XYLT2: variants seen among roughly 807,000 people sequenced by gnomAD.
The protein encoded by XYLT2 is xylosyltransferase 2, also known as UDP-D-xylose:proteoglycan core protein beta-D-xylosyltransferase.
A neutral mutation model predicts 82.6 loss-of-function variants in XYLT2; 37 were observed. That is an observed-to-expected ratio of 0.45 (90% CI 0.34 to 0.59). The LOEUF is 0.59. Ranked by LOEUF, XYLT2 falls within the 20% of genes least tolerant of loss-of-function variation. XYLT2 has a pLI of 0.01. For missense variants in XYLT2, 934 were observed against 1,181.3 expected, an observed-to-expected ratio of 0.79 and a Z score of 3.07; for synonymous variants, 474 against 499.0, an observed-to-expected ratio of 0.95 and a Z score of 0.67.
intron 1 of XYLT2, among the ~76,000 whole-genome samples, chr17:50,349,400 G>A (rs115425970): frequency 3.3e-5 from 5 of 152,088 alleles, no homozygotes; most frequent in Admixed American, 3.3e-4. Flanking sequence ...CCTCTTGCAG[G>A]TATCTCTTCT....
chr17:50,356,824 G>C (rs1302830331), intron 8 of XYLT2, 51 bp downstream of exon 8: 1 of 1,559,558 alleles, frequency 6.4e-7, no homozygotes, highest in Non-Finnish European at 8.7e-7. Flanking sequence ...GGTGCCCTAG[G>C]GGGAGGCCAA....
Position 50,360,842 on chromosome 17 carries a change from A to G in XYLT2, c.*551A>G. The G allele has an allele frequency of 1.0e-6, 1 of 985,884 alleles. No homozygotes were observed. The highest frequency in any genetic ancestry group is 4.7e-5 in the South Asian group (1 of 21,288). 61.1% of individuals were successfully genotyped at this position (985,884 alleles called of 1,614,324 possible). ...CCTGCCAGGCTCTAAGGCCCGAAGA[A>G]CAGGTGATATCGGGGGCGCTGCAGA... On this transcript the variant is annotated 3_prime_UTR_variant, in exon 11 of 11. Coordinates refer to ENST00000017003, the MANE Select transcript of XYLT2 (RefSeq NM_022167.4).
Position 50,346,575 on chromosome 17 carries a change from G to A in XYLT2, c.135+300G>A. 1.0e-6 allele frequency: 1 copy of A among 978,926 alleles called. No homozygotes were observed. Among genetic ancestry groups the A allele is most frequent in the Non-Finnish European group, 1.2e-6 (1 of 823,992 alleles). 60.6% of individuals were successfully genotyped at this position (978,926 alleles called of 1,614,324 possible). A position where few individuals can be genotyped will look rare whatever the true frequency, so the allele number is the denominator to read the frequency against. ...CGGCCAAGGGAGCGATGAAGGTCAG[G>A]CGCGGCGAGCGGGGCTGGGAGGCGG... On this transcript the variant is annotated intron_variant, in intron 1 of 10. Transcript: ENST00000017003. This position sits in a 1 kb window ranked among gnomAD's most constrained non-coding sequence, Gnocchi z 5.1.
At chr17:50,350,041 G>A (rs1222028537) in intron 1 of XYLT2, among the ~76,000 whole-genome samples, 1 of 149,166 alleles carries the variant, frequency 6.7e-6, no homozygotes, top group Admixed American at 6.8e-5. Flanking sequence ...AAAGTTGCCA[G>A]GCATGGTGGC....
intron 1 of XYLT2, among the ~76,000 whole-genome samples, chr17:50,352,098 C>A (rs1912295930): frequency 6.6e-6 from 1 of 152,152 alleles, no homozygotes; most frequent in Non-Finnish European, 1.5e-5. Flanking sequence ...GCTGAAAGGC[C>A]AAGAAAGAAG....
chr17:50,354,223 G>A, intron 2 of XYLT2, 101 bp downstream of exon 2: 1 of 1,558,572 alleles, frequency 6.4e-7, no homozygotes, highest in Non-Finnish European at 8.6e-7. Flanking sequence ...GAGCCAAGGG[G>A]ATCCTACCTC....
intron 1 of XYLT2, among the ~76,000 whole-genome samples, chr17:50,350,746 A>G (rs889250008): frequency 2.0e-5 from 3 of 152,204 alleles, no homozygotes; most frequent in South Asian, 2.1e-4. Flanking sequence ...ATATTGTGCG[A>G]TGGTGAAAAG....
In XYLT2 at chr17:50,356,587, T is replaced by TC; in HGVS notation, c.1561dup (p.His521ProfsTer25). On this transcript the variant is annotated frameshift_variant, in exon 8 of 11. Coordinates refer to ENST00000017003, the MANE Select transcript of XYLT2 (RefSeq NM_022167.4). LOFTEE classifies it high-confidence loss of function. ...CAGGAGGTGCTGGAAATCCTGGACT[T>TC]CCACCTGTATGGCAGCTACCCCCCC... 6.2e-7 allele frequency: 1 copy of TC among 1,614,040 alleles called. No individual in the cohort carries two copies.
chr17:50,350,182 CAAAAAA>C (rs34760778), intron 1 of XYLT2, among the ~76,000 whole-genome samples: 1 of 18,554 alleles, frequency 5.4e-5, no homozygotes, highest in Non-Finnish European at 1.0e-4. Context: ...GACTGCGTCT[CAAAAAA>C]AAAAAAAAAA....
rs1033180703 is a variant in XYLT2, at chr17:50,346,521, G to A, written c.135+246G>A. ...GCCCTGGTGGATTGGGAGTCGGGCG[G>A]GGGGAGCAGGTCATGCTAGGGTGGT... On this transcript the variant is annotated intron_variant, in intron 1 of 10. Transcript: ENST00000017003. The surrounding 1 kb of genome is among the most constrained non-coding windows in gnomAD (Gnocchi z 5.1). 7.6e-5 allele frequency: 67 copies of A among 886,748 alleles called. No individual in the cohort carries two copies. The highest frequency in any genetic ancestry group is 8.9e-5 in the Non-Finnish European group (66 of 740,006). The allele number at this position is 886,748 out of a possible 1,614,324, so 54.9% of individuals were successfully genotyped here. A position where few individuals can be genotyped will look rare whatever the true frequency, so the allele number is the denominator to read the frequency against.
At position 50,360,566 on chromosome 17, in the gene XYLT2, T is replaced by TCTTTC. The variant is rs1413472491; in HGVS notation, c.*275_*276insCTTTC. 1 of 1,076,564 alleles carries TCTTTC rather than the reference T, an allele frequency of 9.3e-7. No individual in the cohort carries two copies. Among genetic ancestry groups the TCTTTC allele is most frequent in the Non-Finnish European group, 1.1e-6 (1 of 902,888 alleles). The allele number at this position is 1,076,564 out of a possible 1,614,324, so 66.7% of individuals were successfully genotyped here. A position where few individuals can be genotyped will look rare whatever the true frequency, so the allele number is the denominator to read the frequency against. ...CTTCCTGTCTAGTTTGAATTTCTTT[T>TCTTTC]TTTTCTTTTTTTTTTTTTTTTTTTA... On this transcript the variant is annotated 3_prime_UTR_variant, in exon 11 of 11. Transcript: ENST00000017003.
In XYLT2 at chr17:50,360,116, T is replaced by C; in HGVS notation, c.2423T>C (p.Leu808Pro). The change falls in exon 11 of 11, where the codon CTC becomes CCC. Residue 808 changes from leucine to proline, a missense_variant. This residue lies in a region of XYLT2 where 374 missense variants were observed against 465.6 expected (regional missense o/e 0.80). Transcript: ENST00000017003. ...CACACACAGCTCACAGGCCCTGCGCTCGAGGCCTGGACAGACAGGGAACTG... is the reference window on the plus strand; with the variant it reads ...CACACACAGCTCACAGGCCCTGCGCCCGAGGCCTGGACAGACAGGGAACTG... ...QRHTQLTGPA[L>P]EAWTDRELSS... 2 of 1,613,920 alleles carry C rather than the reference T, an allele frequency of 1.2e-6. No individual in the cohort carries two copies. Among genetic ancestry groups the C allele is most frequent in the Non-Finnish European group, 1.7e-6 (2 of 1,179,954 alleles).
chr17:50,346,130 C>T lies in XYLT2; in HGVS notation c.-11C>T. The T allele has an allele frequency of 1.6e-6, 2 of 1,218,810 alleles. No homozygotes were observed. Among genetic ancestry groups the T allele is most frequent in the African/African-American group, 1.6e-5 (1 of 61,544 alleles). The allele number at this position is 1,218,810 out of a possible 1,614,324, so 75.5% of individuals were successfully genotyped here. A position where few individuals can be genotyped will look rare whatever the true frequency, so the allele number is the denominator to read the frequency against. On this transcript the variant is annotated 5_prime_UTR_variant, in exon 1 of 11. Coordinates refer to ENST00000017003, the MANE Select transcript of XYLT2 (RefSeq NM_022167.4). This position sits in a 1 kb window ranked among gnomAD's most constrained non-coding sequence, Gnocchi z 5.1. Reference sequence around the variant, plus strand: ...AGGGCTGGGCGCGCGCCCCGCGTCCCGGGCAGGAAGATGGTGGCGAGCGCG... The same window carrying T: ...AGGGCTGGGCGCGCGCCCCGCGTCCTGGGCAGGAAGATGGTGGCGAGCGCG...
At chr17:50,354,662 A>ACCTG in intron 3 of XYLT2, 79 bp downstream of exon 3, 1 of 1,505,616 alleles carries the variant, frequency 6.6e-7, no homozygotes, top group African/African-American at 1.7e-5. Flanking sequence ...AGAGTCTCTG[A>ACCTG]CCTGGCCCAG....
In XYLT2 at chr17:50,358,336, A is replaced by G. The variant is rs1598353036; in HGVS notation, c.2071A>G (p.Ile691Val). 6.2e-7 allele frequency: 1 copy of G among 1,613,978 alleles called. No individual in the cohort carries two copies. The highest frequency in any genetic ancestry group is 8.5e-7 in the Non-Finnish European group (1 of 1,180,024). ...GPNLTATVVW[I>V]DPTYVVATSY... ...CAACCTCACAGCCACAGTGGTCTGG[A>G]TCGACCCAACCTATGTGGTGGCCAC... The change falls in exon 10 of 11, where the codon ATC becomes GTC. Residue 691 changes from isoleucine (I) to valine (V), a missense_variant. Ile to Val is a conservative substitution (Grantham distance 29). Coordinates refer to ENST00000017003, the MANE Select transcript of XYLT2 (RefSeq NM_022167.4).
In XYLT2 at chr17:50,359,957, C is replaced by T. The variant is rs1004037653; in HGVS notation, c.2276-12C>T. 1.9e-6 allele frequency: 3 copies of T among 1,574,508 alleles called. No homozygotes were observed. The highest frequency in any genetic ancestry group is 2.7e-5 in the African/African-American group (2 of 74,250). ...GCAGGGGGTGTGCTTACTGCCTGCT[C>T]TGCACCCACAGATGATGCCAGCTGG... On this transcript the variant is annotated splice_polypyrimidine_tract_variant and intron_variant, in intron 10 of 10. Transcript: ENST00000017003.
rs1598353144 is a variant in XYLT2 at position 50,358,441 on chromosome 17, C to G, written c.2176C>G (p.Pro726Ala). 1 of 1,614,178 alleles carries G rather than the reference C, an allele frequency of 6.2e-7. No individual in the cohort carries two copies. Residue 726 changes from proline (P) to alanine (A), a missense_variant, in exon 10 of 11, where the codon CCC becomes GCC. Pro to Ala is a conservative substitution (Grantham distance 27). Around this residue, in one of 3 missense-constraint regions of XYLT2, gnomAD observed 374 missense variants for 465.6 expected, o/e 0.80. Transcript: ENST00000017003. ...PPLSRPLRPG[P>A]WTVRLLQFWE... is the part of the protein sequence containing the mutation. ...ACTGAGCCGGCCCCTGCGGCCAGGG[C>G]CCTGGACTGTTCGACTCCTTCAGTT...
rs1598346287 is a variant in XYLT2 at position 50,346,831 on chromosome 17, C to G, written c.135+556C>G. 2 of 985,210 alleles carry G rather than the reference C, an allele frequency of 2.0e-6. No individual in the cohort carries two copies. The highest frequency in any genetic ancestry group is 3.5e-5 in the African/African-American group (2 of 57,188). 61.0% of individuals were successfully genotyped at this position (985,210 alleles called of 1,614,324 possible). ...GGAACTGAAGGAACAGGGAGTGACG[C>G]CGAAGGAGAGAACTGGAGTATTCCC... On this transcript the variant is annotated intron_variant, in intron 1 of 10. Coordinates refer to ENST00000017003, the MANE Select transcript of XYLT2 (RefSeq NM_022167.4). This position sits in a 1 kb window ranked among gnomAD's most constrained non-coding sequence, Gnocchi z 5.1.
At chr17:50,350,983 C>T (rs943567100) in intron 1 of XYLT2, among the ~76,000 whole-genome samples, 1 of 152,070 alleles carries the variant, frequency 6.6e-6, no homozygotes, top group Non-Finnish European at 1.5e-5. Flanking sequence ...GGAGAGTGAG[C>T]ATGACAAATT....
Sources: allele counts gnomAD v4.1 joint callset (sites outside exome capture counted in the v4.1 genomes callset), GRCh38; gene constraint gnomAD v4.1.1; regional missense constraint gnomAD v4.1.1; non-coding constraint Gnocchi (gnomAD v3.1); transcripts MANE v1.5; gene names NCBI Gene and HGNC (gene_info 2026-07-23, HGNC 2026-07-21).